The following SPOCK3 variants were observed in gnomAD, a reference collection of about 807,000 sequenced individuals.
The protein encoded by SPOCK3 is SPARC (osteonectin), cwcv and kazal like domains proteoglycan 3.
In SPOCK3, 30 loss-of-function variants were observed where a neutral mutation model predicts 56.6. That is an observed-to-expected ratio of 0.53 (90% CI 0.40 to 0.72). SPOCK3 has a LOEUF of 0.72. Among genes scored for constraint, SPOCK3 ranks in the 30% least tolerant of loss-of-function variants. The pLI is 0.00. For synonymous variants in SPOCK3, 196 were observed against 183.3 expected (o/e 1.07, Z -0.56); for missense variants, 527 against 530.0 (o/e 0.99, Z 0.06).
chr4:166,878,921 A>G (rs1347232502), intron 6 of SPOCK3, among the ~76,000 whole-genome samples: 1 of 152,190 alleles, frequency 6.6e-6, no homozygotes, highest in Non-Finnish European at 1.5e-5. Flanking sequence ...GGACTAGATG[A>G]AATAAGACAT....
At position 167,119,719 on chromosome 4, in the gene SPOCK3, C is replaced by A; in HGVS notation, c.190-57182G>T. 4 of 1,051,392 alleles carry A rather than the reference C, an allele frequency of 3.8e-6. No homozygotes were observed. In the South Asian group the frequency reaches 5.7e-5, roughly 15 times the overall value. The allele number at this position is 1,051,392 out of a possible 1,614,324, so 65.1% of individuals were successfully genotyped here. On this transcript the variant is annotated intron_variant, in intron 2 of 10. Transcript: ENST00000357545. The stretch of plus-strand genomic sequence containing the variant: ...ACATTTGAAGTATTTAAATAGAGAA[C>A]GTTATGTCTATAACATAATGGGTAC...
At chr4:166,953,805 AATC>A (rs1743028315) in intron 4 of SPOCK3, among the ~76,000 whole-genome samples, 1 of 150,784 alleles carries the variant, frequency 6.6e-6, no homozygotes, top group African/African-American at 2.4e-5. Context: ...TGAAATTGGA[AATC>A]ATCATTCTCA....
At chr4:167,003,371 A>C (rs1038624552) in intron 3 of SPOCK3, among the ~76,000 whole-genome samples, 1 of 152,224 alleles carries the variant, frequency 6.6e-6, no homozygotes, top group East Asian at 1.9e-4. Flanking sequence ...TCTGTGCATG[A>C]GATTTTAACC....
intron 4 of SPOCK3, among the ~76,000 whole-genome samples, chr4:166,955,628 T>A (rs927980255): frequency 2.1e-5 from 3 of 146,152 alleles, no homozygotes; most frequent in Non-Finnish European, 3.0e-5. Flanking sequence ...TTAATATAAT[T>A]TAATTATATT....
At chr4:167,214,988 A>G (rs1735223313) in intron 2 of SPOCK3, among the ~76,000 whole-genome samples, 1 of 150,770 alleles carries the variant, frequency 6.6e-6, no homozygotes. Context: ...TACTGTATAT[A>G]TATTTACTAT....
rs146062158 is a variant in SPOCK3, at chr4:167,210,606, GACTTTA to G, written c.189+23373_189+23378del. On this transcript the variant is annotated intron_variant, in intron 2 of 10. Transcript: ENST00000357545. ...TAAATGTGTGTATTTAGCAAAGAAGGACTTTAACTTTATATAGATGAAGAATGTTTG... is the reference window on the plus strand; with the variant it reads ...TAAATGTGTGTATTTAGCAAAGAAGGACTTTATATAGATGAAGAATGTTTG... Among the ~76,000 whole-genome samples, 594 of 152,096 alleles carry G rather than the reference GACTTTA, an allele frequency of 3.9e-3. 2 individuals carry two copies. The highest frequency in any genetic ancestry group is 0.013 in the African/African-American group (546 of 41,516).
rs1736616868 is a variant in SPOCK3 at position 166,906,424 on chromosome 4, C to T, written c.474+6196G>A. On this transcript the variant is annotated intron_variant, in intron 5 of 10. Coordinates refer to ENST00000357545, the MANE Select transcript of SPOCK3 (RefSeq NM_001040159.2). ...AGCTCAAGGAATTTTCCCATCTCTG[C>T]TTCTCAAAATGGTGGGATTATAGGC... 2.0e-5 allele frequency among the ~76,000 whole-genome samples: 3 copies of T among 149,648 alleles called. No homozygotes were observed. In the South Asian group the frequency reaches 6.4e-4, roughly 32 times the overall value.
chr4:167,022,986 C>T (rs1166516442), intron 3 of SPOCK3, among the ~76,000 whole-genome samples: 1 of 152,050 alleles, frequency 6.6e-6, no homozygotes, highest in African/African-American at 2.4e-5. Context: ...TCCCCAAGGT[C>T]TTTCCTCCAG....
At chr4:167,033,392 C>CATTATTATTATTATT (rs55774234) in intron 3 of SPOCK3, among the ~76,000 whole-genome samples, 1 of 146,536 alleles carries the variant, frequency 6.8e-6, no homozygotes, top group African/African-American at 2.5e-5. Flanking sequence ...AGCAATTATT[C>CATTATTATTATTATT]ATTATTATTA....
At chr4:167,043,262 G>A (rs1580103151) in intron 3 of SPOCK3, among the ~76,000 whole-genome samples, 1 of 152,100 alleles carries the variant, frequency 6.6e-6, no homozygotes. Context: ...TTGCATTAAT[G>A]TAAAATCCCA....
At chr4:167,100,486 C>T (rs2150324025) in intron 2 of SPOCK3, among the ~76,000 whole-genome samples, 1 of 148,906 alleles carries the variant, frequency 6.7e-6, no homozygotes, top group South Asian at 2.1e-4. Flanking sequence ...TTCTCTCTCT[C>T]TCACACACAC....
At chr4:167,014,844 T>TCG (rs903222260) in intron 3 of SPOCK3, among the ~76,000 whole-genome samples, 4 of 152,024 alleles carry the variant, frequency 2.6e-5, no homozygotes, top group African/African-American at 9.7e-5. Flanking sequence ...GTGAGAGAAA[T>TCG]GTTCTTAAAT....
At chr4:167,062,742 T>C in intron 2 of SPOCK3, 1 of 519,052 alleles carries the variant, frequency 1.9e-6, no homozygotes, top group Non-Finnish European at 3.5e-6. Flanking sequence ...GAACACACTG[T>C]TTTCAAGTTA....
intron 4 of SPOCK3, among the ~76,000 whole-genome samples, chr4:166,979,795 T>C (rs1411296867): frequency 1.3e-5 from 2 of 152,220 alleles, no homozygotes; most frequent in Non-Finnish European, 2.9e-5. Context: ...TTTAATATTA[T>C]TGATGTGTTG....
At chr4:167,113,450 ACAGTTTT>A (rs1761077323) in intron 2 of SPOCK3, among the ~76,000 whole-genome samples, 1 of 151,934 alleles carries the variant, frequency 6.6e-6, no homozygotes, top group Non-Finnish European at 1.5e-5. Context: ...TAAAAAGGCC[ACAGTTTT>A]CAGCAAAAAA....
intron 6 of SPOCK3, among the ~76,000 whole-genome samples, chr4:166,874,147 T>C (rs1175931215): frequency 6.6e-6 from 1 of 152,076 alleles, no homozygotes; most frequent in Non-Finnish European, 1.5e-5. Flanking sequence ...GTTGTACAAG[T>C]TTGCTACTAT....
intron 3 of SPOCK3, among the ~76,000 whole-genome samples, chr4:167,023,500 T>C (rs1171942840): frequency 6.6e-6 from 1 of 152,010 alleles, no homozygotes; most frequent in Non-Finnish European, 1.5e-5. Context: ...AAAAAGTTGT[T>C]GGCAAAGAGT....
intron 6 of SPOCK3, among the ~76,000 whole-genome samples, chr4:166,862,938 C>T (rs962951359): frequency 6.6e-6 from 1 of 151,922 alleles, no homozygotes; most frequent in Non-Finnish European, 1.5e-5. Context: ...TCAAGAAGAA[C>T]AACCTGTAGA....
chr4:166,745,827 G>C (rs1421810408), intron 8 of SPOCK3, among the ~76,000 whole-genome samples: 3 of 151,956 alleles, frequency 2.0e-5, no homozygotes, highest in African/African-American at 7.3e-5. Flanking sequence ...AAAAAAGCAG[G>C]GTTGCAATCC....
Sources: allele counts gnomAD v4.1 joint callset (sites outside exome capture counted in the v4.1 genomes callset), GRCh38; gene constraint gnomAD v4.1.1; transcripts MANE v1.5; gene names NCBI Gene and HGNC (gene_info 2026-07-23, HGNC 2026-07-21).